Variants in MCPH1 observed in about 807,000 individuals in gnomAD.
The protein encoded by MCPH1 is microcephalin 1.
Under a neutral mutation model 84.5 loss-of-function variants are expected in MCPH1, and 104 were observed. That is an observed-to-expected ratio of 1.23 (90% CI 1.05 to 1.45). The LOEUF (loss-of-function observed/expected upper bound fraction) is 1.45, where lower values mean the gene tolerates loss of function less well. Among genes scored for constraint, MCPH1 ranks in the 40% most tolerant of loss-of-function variants. The pLI, the probability that MCPH1 is intolerant of heterozygous loss-of-function variation, is 0.00. For synonymous variants in MCPH1, 514 were observed against 366.8 expected (o/e 1.40, Z -4.58); for missense variants, 1,498 against 1,005.7 (o/e 1.49, Z -6.62).
At chr8:6,485,724 G>A (rs986562525) in intron 11 of MCPH1, among the ~76,000 whole-genome samples, 1 of 152,074 alleles carries the variant, frequency 6.6e-6, no homozygotes, top group African/African-American at 2.4e-5. Context: ...GTGGCCTATG[G>A]CTTCAGGTGA....
At chr8:6,622,738 A>G (rs574944847) in intron 13 of MCPH1, among the ~76,000 whole-genome samples, 2 of 152,236 alleles carry the variant, frequency 1.3e-5, no homozygotes, top group Admixed American at 1.3e-4. Flanking sequence ...CCTTTCCTCC[A>G]TGCACACACA....
At chr8:6,548,226 G>A (rs770942572) in intron 12 of MCPH1, among the ~76,000 whole-genome samples, 38 of 152,102 alleles carry the variant, frequency 2.5e-4, no homozygotes, top group Non-Finnish European at 4.7e-4. Context: ...TAGAACCTAC[G>A]TGAAGGCTTT....
At chr8:6,491,393 TA>T (rs1477234264) in intron 11 of MCPH1, among the ~76,000 whole-genome samples, 3 of 150,466 alleles carry the variant, frequency 2.0e-5, no homozygotes, top group South Asian at 2.1e-4. Flanking sequence ...TTTTTTTTTT[TA>T]GCTGCTAAAG....
intron 12 of MCPH1, among the ~76,000 whole-genome samples, chr8:6,544,629 G>A (rs1822212359): frequency 1.3e-5 from 2 of 152,100 alleles, no homozygotes; most frequent in African/African-American, 4.8e-5. Flanking sequence ...GCACAACTTG[G>A]CCATGAAATG....
intron 9 of MCPH1, among the ~76,000 whole-genome samples, chr8:6,466,167 T>G (rs1453162085): frequency 7.2e-6 from 1 of 138,474 alleles, no homozygotes; most frequent in Non-Finnish European, 1.6e-5. Context: ...AGACAGAGTC[T>G]TGCTCTATCG....
At chr8:6,454,257 T>C (rs960247032) in intron 8 of MCPH1, among the ~76,000 whole-genome samples, 6 of 152,212 alleles carry the variant, frequency 3.9e-5, no homozygotes, top group Non-Finnish European at 4.4e-5. Flanking sequence ...ATTTTGCATC[T>C]CCAGTGGGTA....
intron 12 of MCPH1, among the ~76,000 whole-genome samples, chr8:6,513,035 G>T (rs897693881): frequency 4.6e-5 from 7 of 152,176 alleles, no homozygotes; most frequent in African/African-American, 1.7e-4. Context: ...CATCATTTAT[G>T]CTATTCATGT....
intron 11 of MCPH1, among the ~76,000 whole-genome samples, chr8:6,483,350 G>C (rs924824785): frequency 6.6e-6 from 1 of 152,190 alleles, no homozygotes; most frequent in African/African-American, 2.4e-5. Flanking sequence ...GAGATATTAA[G>C]GAGCCAGAAT....
chr8:6,418,119 A>G (rs777922128), intron 3 of MCPH1, among the ~76,000 whole-genome samples: 1 of 152,100 alleles, frequency 6.6e-6, no homozygotes, highest in African/African-American at 2.4e-5. Flanking sequence ...GGTTTCTCCT[A>G]TGGTTCTCTT....
intron 11 of MCPH1, among the ~76,000 whole-genome samples, chr8:6,497,898 A>G (rs1811442549): frequency 6.6e-6 from 1 of 152,220 alleles, no homozygotes; most frequent in African/African-American, 2.4e-5. Context: ...GGTTTTTATG[A>G]TGTCCTATAC....
chr8:6,578,930 T>G (rs1341128957), intron 12 of MCPH1, among the ~76,000 whole-genome samples: 4 of 152,222 alleles, frequency 2.6e-5, no homozygotes, highest in Non-Finnish European at 5.9e-5. Context: ...GCAGAGTTCA[T>G]GTTTTTCGTT....
intron 8 of MCPH1, chr8:6,447,119 G>T: frequency 1.0e-6 from 1 of 985,402 alleles, no homozygotes; most frequent in South Asian, 4.7e-5. Context: ...GAAGTCACTG[G>T]GTTCTAGGAC....
chr8:6,486,185 C>T (rs1418294639), intron 11 of MCPH1, among the ~76,000 whole-genome samples: 1 of 152,134 alleles, frequency 6.6e-6, no homozygotes, highest in South Asian at 2.1e-4. Context: ...ATAAACTTCA[C>T]AGTTCCAATT....
At chr8:6,431,658 AT>A in intron 4 of MCPH1, 72 bp downstream of exon 4, 2 of 1,031,168 alleles carry the variant, frequency 1.9e-6, no homozygotes, top group South Asian at 2.8e-5. Context: ...TTTCTAGAAA[AT>A]AAAACTTCTA....
At chr8:6,435,360 C>G (rs762680762) in intron 4 of MCPH1, among the ~76,000 whole-genome samples, 1 of 152,116 alleles carries the variant, frequency 6.6e-6, no homozygotes, top group African/African-American at 2.4e-5. Flanking sequence ...TGCAAGTTGC[C>G]TGGCAAGGAG....
intron 5 of MCPH1, among the ~76,000 whole-genome samples, chr8:6,436,498 G>A (rs1350834683): frequency 1.3e-5 from 2 of 151,938 alleles, no homozygotes; most frequent in African/African-American, 4.8e-5. Flanking sequence ...ATATAACTTT[G>A]TATTTTTACC....
chr8:6,562,016 G>A (rs1304119169), intron 12 of MCPH1, among the ~76,000 whole-genome samples: 2 of 152,182 alleles, frequency 1.3e-5, no homozygotes, highest in Non-Finnish European at 2.9e-5. Flanking sequence ...GAATACCTCT[G>A]GGACGCTTGG....
chr8:6,506,026 AAC>A (rs1457243266), intron 12 of MCPH1, among the ~76,000 whole-genome samples: 1 of 145,600 alleles, frequency 6.9e-6, no homozygotes, highest in African/African-American at 2.5e-5. Flanking sequence ...TATATATAAA[AAC>A]ATATATATAT....
rs919821619 is a variant in MCPH1, at chr8:6,438,485, C to T, written c.437-468C>T. 6.6e-5 allele frequency among the ~76,000 whole-genome samples: 10 copies of T among 152,252 alleles called. No homozygotes were observed. The East Asian group carries it at 1.4e-3, about 21-fold the overall frequency. ...AAACGAGCTCATAACTTCATGGTTC[C>T]GGGACCATGCTGATCCCACTTCATG... On this transcript the variant is annotated intron_variant, in intron 5 of 13. Transcript: ENST00000344683.
Sources: gnomAD v4.1 joint callset for allele counts (sites outside exome capture counted in the v4.1 genomes callset) on GRCh38, gnomAD v4.1.1 for gene constraint, MANE v1.5 for transcripts, NCBI Gene and HGNC (gene_info 2026-07-23, HGNC 2026-07-21) for gene names.